SLC44A5: variants seen among roughly 807,000 people sequenced by gnomAD.
SLC44A5 encodes choline transporter-like protein 5.
Under a neutral mutation model 101.8 loss-of-function variants are expected in SLC44A5, and 57 were observed. The ratio of observed to expected loss-of-function variants is 0.56; its 90% confidence interval spans 0.45 to 0.70. SLC44A5 has a LOEUF of 0.70. Ranked by LOEUF, SLC44A5 falls within the 30% of genes least tolerant of loss-of-function variation. The pLI, the probability that SLC44A5 is intolerant of heterozygous loss-of-function variation, is 0.00. For missense variants in SLC44A5, 737 were observed against 853.1 expected (o/e 0.86, Z 1.70); for synonymous variants, 281 against 290.9 (o/e 0.97, Z 0.35).
At chr1:75,539,697 C>T (rs887166662) in intron 2 of SLC44A5, among the ~76,000 whole-genome samples, 3 of 152,036 alleles carry the variant, frequency 2.0e-5, no homozygotes, top group South Asian at 2.1e-4. Context: ...ATAAATGCTA[C>T]GGAGAAAGTC....
At chr1:75,659,627 CAAAAAA>C in the SLC44A5 span, among the ~76,000 whole-genome samples, 14 of 98,786 alleles carry the variant, frequency 1.4e-4, no homozygotes, top group Admixed American at 2.3e-4. Flanking sequence ...CCATCTCTAC[CAAAAAA>C]AAAAAAAAAA....
chr1:75,236,165 G>C (rs1435384034), intron 11 of SLC44A5, among the ~76,000 whole-genome samples: 1 of 152,070 alleles, frequency 6.6e-6, no homozygotes, highest in Non-Finnish European at 1.5e-5. Context: ...TATTTGATAT[G>C]TTTAGAATAT....
At chr1:75,239,174 A>G (rs530315259) in intron 9 of SLC44A5, among the ~76,000 whole-genome samples, 1 of 152,084 alleles carries the variant, frequency 6.6e-6, no homozygotes, top group Non-Finnish European at 1.5e-5. Flanking sequence ...TTTTTCATTT[A>G]CAACAGTTTT....
the SLC44A5 span, among the ~76,000 whole-genome samples, chr1:75,720,790 A>C: frequency 1.3e-5 from 2 of 152,020 alleles, no homozygotes; most frequent in Non-Finnish European, 2.9e-5. Context: ...ATGAGACTTC[A>C]ATCAAATACA....
chr1:75,467,768 C>A (rs185700437), intron 2 of SLC44A5, among the ~76,000 whole-genome samples: 3 of 152,208 alleles, frequency 2.0e-5, no homozygotes, highest in Admixed American at 2.0e-4. Flanking sequence ...GGACATTGTT[C>A]TGGGCAAGAA....
chr1:75,261,860 T>C (rs951451676), intron 6 of SLC44A5, among the ~76,000 whole-genome samples: 6 of 151,250 alleles, frequency 4.0e-5, no homozygotes, highest in Middle Eastern at 3.3e-3. Flanking sequence ...ACAATAAATG[T>C]AATCCATCGC....
chr1:75,704,548 C>G, the SLC44A5 span, among the ~76,000 whole-genome samples: 2 of 152,088 alleles, frequency 1.3e-5, no homozygotes, highest in Non-Finnish European at 2.9e-5. Context: ...AAATCTGCAC[C>G]TATTTCATTA....
chr1:75,213,055 G>A (rs1646889776), intron 22 of SLC44A5, among the ~76,000 whole-genome samples: 1 of 152,056 alleles, frequency 6.6e-6, no homozygotes, highest in Non-Finnish European at 1.5e-5. Context: ...CAGCCTCTTT[G>A]CCAGAATGTC....
intron 3 of SLC44A5, among the ~76,000 whole-genome samples, chr1:75,367,052 G>C (rs1659909208): frequency 6.6e-6 from 1 of 152,156 alleles, no homozygotes; most frequent in South Asian, 2.1e-4. Flanking sequence ...TCAGTTACTA[G>C]AGCTTTGCTA....
chr1:75,453,112 T>G (rs183613433), intron 2 of SLC44A5, among the ~76,000 whole-genome samples: 9 of 152,252 alleles, frequency 5.9e-5, no homozygotes, highest in Admixed American at 5.2e-4. Context: ...ACACAGAAAT[T>G]AATCCAAGAC....
intron 6 of SLC44A5, among the ~76,000 whole-genome samples, chr1:75,251,793 A>T (rs530705572): frequency 6.6e-6 from 1 of 152,318 alleles, no homozygotes; most frequent in African/African-American, 2.4e-5. Flanking sequence ...GGTAATCTGA[A>T]AAAACATAAA....
the SLC44A5 span, among the ~76,000 whole-genome samples, chr1:75,655,881 A>T: frequency 1.3e-5 from 2 of 152,226 alleles, no homozygotes; most frequent in African/African-American, 4.8e-5. Context: ...ACTTAGAGAA[A>T]GATATAAATA....
At chr1:75,276,876 G>A (rs588830) in intron 5 of SLC44A5, among the ~76,000 whole-genome samples, 125,751 of 152,112 alleles carry the variant, frequency 0.83, 52,210 homozygotes, top group Admixed American at 0.89. Flanking sequence ...TCCCTCTGGG[G>A]AACTTCTGCA....
chr1:75,450,815 A>T (rs1210971629), intron 2 of SLC44A5, among the ~76,000 whole-genome samples: 1 of 152,114 alleles, frequency 6.6e-6, no homozygotes, highest in Non-Finnish European at 1.5e-5. Flanking sequence ...CTGTGCAAAG[A>T]TCCTAGTACA....
chr1:75,341,919 T>C (rs1350106343), intron 3 of SLC44A5, among the ~76,000 whole-genome samples: 1 of 152,188 alleles, frequency 6.6e-6, no homozygotes, highest in Non-Finnish European at 1.5e-5. Context: ...GGAATGGGCC[T>C]GAGAATCTGT....
At chr1:75,333,809 C>G (rs1482520860) in intron 4 of SLC44A5, among the ~76,000 whole-genome samples, 2 of 152,134 alleles carry the variant, frequency 1.3e-5, no homozygotes, top group Non-Finnish European at 2.9e-5. Flanking sequence ...GCAGAGGTGA[C>G]CCTTGCACTC....
the SLC44A5 span, among the ~76,000 whole-genome samples, chr1:75,617,180 T>G: frequency 1.3e-5 from 2 of 152,110 alleles, no homozygotes; most frequent in African/African-American, 4.8e-5. Flanking sequence ...CGAATTTTTT[T>G]TATATGCTGC....
intron 1 of SLC44A5, among the ~76,000 whole-genome samples, chr1:75,609,477 TTCTA>T (rs979703253): frequency 1.2e-4 from 19 of 152,216 alleles, no homozygotes; most frequent in Admixed American, 3.9e-4. Context: ...TTAAGAAACT[TTCTA>T]TCTTCTTAGT....
the SLC44A5 span, among the ~76,000 whole-genome samples, chr1:75,650,048 T>TTC: frequency 5.3e-5 from 8 of 151,626 alleles, no homozygotes; most frequent in South Asian, 2.1e-4. Flanking sequence ...GCCTTGTGTA[T>TTC]TCTCTCTCTC....
Sources: allele counts gnomAD v4.1 joint callset (sites outside exome capture counted in the v4.1 genomes callset), GRCh38; gene constraint gnomAD v4.1.1; transcripts MANE v1.5; gene names NCBI Gene and HGNC (gene_info 2026-07-23, HGNC 2026-07-21).